The following MRE11 variants were observed in gnomAD, a reference collection of about 807,000 sequenced individuals.
The protein encoded by MRE11 is MRE11 double strand break repair nuclease.
Under a neutral mutation model 91.7 loss-of-function variants are expected in MRE11, and 62 were observed. The observed-to-expected ratio is 0.68, with a 90% confidence interval of 0.55 to 0.84. The LOEUF (loss-of-function observed/expected upper bound fraction) is 0.84. Among genes scored for constraint, MRE11 ranks in the 40% least tolerant of loss-of-function variants. MRE11 has a pLI of 0.00. For synonymous variants in MRE11, 273 were observed against 271.4 expected, an observed-to-expected ratio of 1.01 and a Z score of -0.06; for missense variants, 796 against 852.9, an observed-to-expected ratio of 0.93 and a Z score of 0.83.
chr11:94,467,740 A>T, intron 10 of MRE11, 73 bp downstream of exon 10: 1 of 1,358,334 alleles, frequency 7.4e-7, no homozygotes, highest in Non-Finnish European at 1.0e-6. Flanking sequence ...CTACTTTTCA[A>T]AGAAACCATG....
intron 16 of MRE11, among the ~76,000 whole-genome samples, chr11:94,437,899 C>T (rs539269011): frequency 2.0e-5 from 3 of 151,788 alleles, no homozygotes; most frequent in Non-Finnish European, 2.9e-5. Flanking sequence ...CTGAGGCGGG[C>T]GGATCACTTA....
chr11:94,497,767 T>TA (rs1481545812), upstream of MRE11: 1 of 280,828 alleles, frequency 3.6e-6, no homozygotes, highest in East Asian at 7.2e-5. Flanking sequence ...AAGCCTATGT[T>TA]ATTCATTGGA....
At chr11:94,463,566 T>C (rs927529603) in intron 11 of MRE11, among the ~76,000 whole-genome samples, 2 of 151,988 alleles carry the variant, frequency 1.3e-5, no homozygotes, top group Admixed American at 6.6e-5. Context: ...ATTAAGAAAA[T>C]GTGGCACATA....
At chr11:94,420,232 A>G in intron 19 of MRE11, 51 bp from the exon 20 acceptor site, 1 of 1,448,426 alleles carries the variant, frequency 6.9e-7, no homozygotes, top group Non-Finnish European at 9.6e-7. Context: ...GCTTCACTGA[A>G]ACAAGACAGA....
intron 10 of MRE11, among the ~76,000 whole-genome samples, chr11:94,466,251 G>T (rs1946559641): frequency 6.6e-6 from 1 of 152,140 alleles, no homozygotes; most frequent in Non-Finnish European, 1.5e-5. Context: ...TAGTGCTGGG[G>T]AATAATTAAG....
intron 18 of MRE11, among the ~76,000 whole-genome samples, chr11:94,435,423 G>GT (rs1203526649): frequency 6.6e-6 from 1 of 152,118 alleles, no homozygotes; most frequent in Non-Finnish European, 1.5e-5. Flanking sequence ...ACGTGTGGTG[G>GT]TGCACGTCTG....
chr11:94,437,108 G>A, intron 17 of MRE11, 69 bp downstream of exon 17: 3 of 1,323,720 alleles, frequency 2.3e-6, no homozygotes, highest in Non-Finnish European at 3.2e-6. Context: ...TTGTAAATCA[G>A]AGAGTTGACA....
chr11:94,462,144 CAGAG>C (rs1946437272), intron 11 of MRE11, among the ~76,000 whole-genome samples: 1 of 152,094 alleles, frequency 6.6e-6, no homozygotes. Context: ...AACAGACAAA[CAGAG>C]AGCCAAATCA....
chr11:94,482,603 T>C (rs577356502), intron 4 of MRE11, among the ~76,000 whole-genome samples: 8 of 152,234 alleles, frequency 5.3e-5, no homozygotes, highest in Admixed American at 2.0e-4. Context: ...CAGAATGCAA[T>C]TTAAAAATAA....
At chr11:94,506,272 C>A in the MRE11 span, among the ~76,000 whole-genome samples, 2 of 151,170 alleles carry the variant, frequency 1.3e-5, 1 homozygote, top group South Asian at 4.2e-4. Flanking sequence ...CAAACTCCTG[C>A]AACATGTAAT....
At chr11:94,444,632 TACTG>T in intron 16 of MRE11, among the ~76,000 whole-genome samples, 1 of 152,290 alleles carries the variant, frequency 6.6e-6, no homozygotes, top group East Asian at 1.9e-4. Flanking sequence ...GCATAACTCT[TACTG>T]ACCTAAGTCT....
chr11:94,444,622 G>A (rs1945875515), intron 16 of MRE11, among the ~76,000 whole-genome samples: 1 of 152,128 alleles, frequency 6.6e-6, no homozygotes, highest in Non-Finnish European at 1.5e-5. Flanking sequence ...GGGTATGCCT[G>A]CATAACTCTT....
intron 7 of MRE11, among the ~76,000 whole-genome samples, chr11:94,474,763 A>G (rs1268757560): frequency 6.6e-6 from 1 of 152,154 alleles, no homozygotes; most frequent in East Asian, 1.9e-4. Flanking sequence ...AATCAACATC[A>G]TATGGTGACT....
At chr11:94,479,960 C>T (rs1334761369) in intron 4 of MRE11, among the ~76,000 whole-genome samples, 199 bp from the exon 5 acceptor site, 1 of 152,164 alleles carries the variant, frequency 6.6e-6, no homozygotes, top group African/African-American at 2.4e-5. Context: ...CAAAGCACTA[C>T]ATTTTAAAGA....
rs1344357378 is a variant in MRE11 at position 94,430,282 on chromosome 11, T to C, written c.1995-296A>G. 1.3e-5 allele frequency among the ~76,000 whole-genome samples: 2 copies of C among 152,328 alleles called. 1 individual carries two copies. Among genetic ancestry groups the C allele is most frequent in the Middle Eastern group, 6.8e-3 (2 of 294 alleles). On this transcript the variant is annotated intron_variant, in intron 18 of 19. Transcript: ENST00000323929. ...GGATAATGGTTTTATAAAGACTAAATGTGTTAATATGCTTAAACACTTAGA... is the reference window on the plus strand; with the variant it reads ...GGATAATGGTTTTATAAAGACTAAACGTGTTAATATGCTTAAACACTTAGA...
rs533990007 is a variant in MRE11 at position 94,415,810 on chromosome 11, A to T, written c.*4315T>A. On this transcript the variant is annotated 3_prime_UTR_variant, in exon 20 of 20. Coordinates refer to ENST00000323929, the MANE Select transcript of MRE11 (RefSeq NM_005591.4). ...GCTATACAATCTGGGGTTCTTATCG[A>T]TTGATGGATAGATTGATTGAGACAG... 5 of 152,240 alleles carry T rather than the reference A, an allele frequency of 3.3e-5. No homozygotes were observed. The highest frequency in any genetic ancestry group is 9.6e-5 in the African/African-American group (4 of 41,540). 9.4% of individuals were successfully genotyped at this position (152,240 alleles called of 1,614,324 possible).
At chr11:94,422,919 G>C (rs1338878141) in intron 19 of MRE11, among the ~76,000 whole-genome samples, 1 of 152,058 alleles carries the variant, frequency 6.6e-6, no homozygotes, top group African/African-American at 2.4e-5. Flanking sequence ...CTCCATGTTG[G>C]TCAGGCTGGT....
intron 19 of MRE11, among the ~76,000 whole-genome samples, chr11:94,421,326 G>T: frequency 6.6e-6 from 1 of 152,192 alleles, no homozygotes; most frequent in Non-Finnish European, 1.5e-5. Flanking sequence ...ACTTCCAAAT[G>T]TTAGCTAAAT....
At chr11:94,478,152 T>C (rs1445766779) in intron 6 of MRE11, among the ~76,000 whole-genome samples, 1 of 152,100 alleles carries the variant, frequency 6.6e-6, no homozygotes, top group African/African-American at 2.4e-5. Flanking sequence ...GTGCTTCTGG[T>C]GGTGACTGAG....
Sources: allele counts gnomAD v4.1 joint callset (sites outside exome capture counted in the v4.1 genomes callset), GRCh38; gene constraint gnomAD v4.1.1; transcripts MANE v1.5; gene names NCBI Gene and HGNC (gene_info 2026-07-23, HGNC 2026-07-21).